The following MYOZ2 variants were observed in gnomAD, a reference collection of about 807,000 sequenced individuals.
MYOZ2 encodes myozenin-2.
In MYOZ2, 19 loss-of-function variants were observed where a neutral mutation model predicts 25.4. The observed-to-expected ratio is 0.75, with a 90% CI of 0.52 to 1.10. The LOEUF is 1.10. Among genes scored for constraint, MYOZ2 ranks in the 50% least tolerant of loss-of-function variants. The probability of loss-of-function intolerance (pLI) is 0.00; values close to 1 mark genes in which losing one functional copy is unlikely to be tolerated. For synonymous variants in MYOZ2, 92 were observed against 106.9 expected (o/e 0.86, Z 0.86); for missense variants, 270 against 317.9 (o/e 0.85, Z 1.15).
intron 5 of MYOZ2, among the ~76,000 whole-genome samples, chr4:119,173,422 C>T (rs910355071): frequency 6.6e-6 from 1 of 152,182 alleles, no homozygotes; most frequent in African/African-American, 2.4e-5. Context: ...TTTCAGGGAC[C>T]TTAAAAATCT....
At chr4:119,153,145 G>A (rs1473853038) in intron 3 of MYOZ2, among the ~76,000 whole-genome samples, 1 of 149,988 alleles carries the variant, frequency 6.7e-6, no homozygotes, top group East Asian at 1.9e-4. Flanking sequence ...GGTGCCTTCT[G>A]TCTTTAATGA....
chr4:119,153,434 TAGAG>T (rs1266774877), intron 3 of MYOZ2, among the ~76,000 whole-genome samples: 1 of 152,260 alleles, frequency 6.6e-6, no homozygotes, highest in African/African-American at 2.4e-5. Flanking sequence ...CATCTAGTGA[TAGAG>T]AGACCAAATG....
chr4:119,183,346 A>G (rs1742225963), intron 5 of MYOZ2, among the ~76,000 whole-genome samples: 1 of 152,114 alleles, frequency 6.6e-6, no homozygotes, highest in African/African-American at 2.4e-5. Context: ...TTCAAGAAGA[A>G]AGTTAAGTAT....
chr4:119,162,283 G>C (rs376122908), intron 4 of MYOZ2, among the ~76,000 whole-genome samples: 1 of 152,168 alleles, frequency 6.6e-6, no homozygotes, highest in South Asian at 2.1e-4. Flanking sequence ...GGAGAAAGCA[G>C]GCGGTGAGGC....
chr4:119,180,030 C>T (rs577387747), intron 5 of MYOZ2, among the ~76,000 whole-genome samples: 15 of 152,272 alleles, frequency 9.9e-5, no homozygotes, highest in African/African-American at 3.6e-4. Flanking sequence ...GTACCTGGCA[C>T]ATAGTAGGCA....
intron 5 of MYOZ2, among the ~76,000 whole-genome samples, chr4:119,173,092 C>A (rs1741980170): frequency 6.6e-6 from 1 of 152,184 alleles, no homozygotes; most frequent in Non-Finnish European, 1.5e-5. Flanking sequence ...TTACCTACTT[C>A]TTCACCTTAT....
In MYOZ2 at chr4:119,186,096, T is replaced by G. The variant is rs1477455303; in HGVS notation, c.691T>G (p.Ser231Ala). ...SFVNPLSGRR[S>A]FNRTPKGWIS... ...TGTCAATCCCCTTTCTGGCAGACGG[T>G]CCTTTAATAGGACTCCTAAGGGATG... Residue 231 changes from serine to alanine, a missense_variant, in exon 6 of 6, where the codon TCC (serine) becomes GCC (alanine). Transcript: ENST00000307128. 1 of 1,614,050 alleles carries G rather than the reference T, an allele frequency of 6.2e-7. No individual in the cohort carries two copies. Among genetic ancestry groups the G allele is most frequent in the Non-Finnish European group, 8.5e-7 (1 of 1,179,964 alleles).
chr4:119,141,392 C>G (rs76597429), intron 2 of MYOZ2, among the ~76,000 whole-genome samples: 1 of 150,134 alleles, frequency 6.7e-6, no homozygotes, highest in South Asian at 2.1e-4. Context: ...TTCTTTCTTT[C>G]TTTTTTTTGA....
At chr4:119,177,706 G>A (rs1174631198) in intron 5 of MYOZ2, among the ~76,000 whole-genome samples, 1 of 152,098 alleles carries the variant, frequency 6.6e-6, no homozygotes, top group African/African-American at 2.4e-5. Context: ...CTGATGAGTT[G>A]CCTGCCTTGT....
intron 5 of MYOZ2, among the ~76,000 whole-genome samples, chr4:119,185,568 G>A (rs1742274144): frequency 1.3e-5 from 2 of 152,178 alleles, no homozygotes; most frequent in African/African-American, 2.4e-5. Context: ...TCCTGCCTCG[G>A]CCTCCCAAAG....
At chr4:119,163,515 T>C (rs1362968400) in intron 4 of MYOZ2, among the ~76,000 whole-genome samples, 1 of 152,198 alleles carries the variant, frequency 6.6e-6, no homozygotes, top group Non-Finnish European at 1.5e-5. Context: ...TCCGTGACTT[T>C]TAAACAGTAT....
chr4:119,150,400 T>A (rs1331749352), intron 2 of MYOZ2, among the ~76,000 whole-genome samples: 1 of 152,082 alleles, frequency 6.6e-6, no homozygotes, highest in Middle Eastern at 3.4e-3. Context: ...CAGTGCTAGA[T>A]GCAGAATAAA....
intron 5 of MYOZ2, among the ~76,000 whole-genome samples, chr4:119,173,790 A>C (rs1741993792): frequency 6.6e-6 from 1 of 152,058 alleles, no homozygotes; most frequent in Non-Finnish European, 1.5e-5. Context: ...GTGGAGGGAG[A>C]GGCCCGAGCG....
At chr4:119,179,040 A>G (rs901666197) in intron 5 of MYOZ2, among the ~76,000 whole-genome samples, 22 of 152,370 alleles carry the variant, frequency 1.4e-4, no homozygotes, top group African/African-American at 4.8e-4. Flanking sequence ...TCCATAGAAC[A>G]GCCAGAAAGA....
chr4:119,136,423 C>A, intron 1 of MYOZ2, 89 bp from the exon 2 acceptor site: 1 of 1,158,538 alleles, frequency 8.6e-7, no homozygotes, highest in South Asian at 1.3e-5. Flanking sequence ...TAATAAAGAA[C>A]AAAGATGTTG....
At chr4:119,138,411 G>A (rs567119231) in intron 2 of MYOZ2, among the ~76,000 whole-genome samples, 30 of 152,224 alleles carry the variant, frequency 2.0e-4, no homozygotes, top group African/African-American at 7.2e-4. Context: ...ATTTTATATG[G>A]AACTTTACTA....
chr4:119,158,755 G>A (rs1306038575), intron 4 of MYOZ2, among the ~76,000 whole-genome samples: 2 of 152,060 alleles, frequency 1.3e-5, no homozygotes, highest in African/African-American at 4.8e-5. Flanking sequence ...TTTATAAAGT[G>A]CTGTGATATA....
At chr4:119,158,517 A>G (rs931524016) in intron 4 of MYOZ2, among the ~76,000 whole-genome samples, 2 of 152,080 alleles carry the variant, frequency 1.3e-5, no homozygotes, top group African/African-American at 4.8e-5. Flanking sequence ...ACACCACTGC[A>G]CTCCATCCAG....
intron 5 of MYOZ2, among the ~76,000 whole-genome samples, chr4:119,174,708 A>T (rs998817059): frequency 2.0e-5 from 3 of 152,120 alleles, no homozygotes; most frequent in Non-Finnish European, 4.4e-5. Flanking sequence ...CAGACAAGAG[A>T]ATAAAAGCAG....
Sources: gnomAD v4.1 joint callset for allele counts (sites outside exome capture counted in the v4.1 genomes callset) on GRCh38, gnomAD v4.1.1 for gene constraint, MANE v1.5 for transcripts, NCBI Gene and HGNC (gene_info 2026-07-23, HGNC 2026-07-21) for gene names.